Variants in NTNG1 observed in about 807,000 individuals in gnomAD.
NTNG1 encodes netrin G1, also known as netrin-G1.
A neutral mutation model predicts 54.0 loss-of-function variants in NTNG1; 16 were observed. The observed-to-expected ratio is 0.30, with a 90% CI of 0.20 to 0.45. The LOEUF (loss-of-function observed/expected upper bound fraction) is 0.45, where lower values mean the gene tolerates loss of function less well. Among genes scored for constraint, NTNG1 ranks in the 20% least tolerant of loss-of-function variants. The pLI is 1.00. For missense variants in NTNG1, 530 were observed against 678.7 expected, an observed-to-expected ratio of 0.78 and a Z score of 2.43; for synonymous variants, 255 against 263.1, an observed-to-expected ratio of 0.97 and a Z score of 0.30.
At chr1:107,402,026 C>T (rs1268608610) in intron 4 of NTNG1, among the ~76,000 whole-genome samples, 2 of 152,146 alleles carry the variant, frequency 1.3e-5, no homozygotes, top group African/African-American at 4.8e-5. Flanking sequence ...TGAGACCCAG[C>T]ACATAAGCAG....
chr1:107,284,295 A>T (rs1265800896), intron 2 of NTNG1, among the ~76,000 whole-genome samples: 3 of 152,144 alleles, frequency 2.0e-5, no homozygotes, highest in Non-Finnish European at 4.4e-5. Context: ...AAGGAGAACC[A>T]ACATCAGGAG....
chr1:107,445,498 A>G (rs1356759611), intron 7 of NTNG1, among the ~76,000 whole-genome samples: 2 of 152,152 alleles, frequency 1.3e-5, no homozygotes, highest in Non-Finnish European at 2.9e-5. Context: ...CTCATTCCAC[A>G]GGAGAAGATT....
intron 2 of NTNG1, among the ~76,000 whole-genome samples, chr1:107,175,293 G>A (rs1323267224): frequency 1.3e-5 from 2 of 152,120 alleles, no homozygotes; most frequent in African/African-American, 4.8e-5. Context: ...ATCAAACTTT[G>A]CATCAGAAAG....
chr1:107,241,449 A>G (rs1661821258), intron 2 of NTNG1, among the ~76,000 whole-genome samples: 1 of 152,250 alleles, frequency 6.6e-6, no homozygotes. Context: ...TGTTCTGTAT[A>G]ATGTCCAAAT....
intron 2 of NTNG1, among the ~76,000 whole-genome samples, chr1:107,246,337 G>A (rs1662199282): frequency 6.7e-6 from 1 of 150,110 alleles, no homozygotes; most frequent in South Asian, 2.1e-4. Context: ...ACAGGCTTGA[G>A]TTTATTTAAT....
Position 107,460,111 on chromosome 1 carries a change from T to A in NTNG1, c.1391-20500T>A, listed in dbSNP as rs12069357. On this transcript the variant is annotated intron_variant, in intron 7 of 7. Transcript: ENST00000370068. The stretch of plus-strand genomic sequence containing the variant: ...AAAACCTCTAGAAAACAGTTCTCAG[T>A]GCAACGAGCATGCAAGCTAAGGCCC... Among the ~76,000 whole-genome samples, 432 of 152,294 alleles carry A rather than the reference T, an allele frequency of 2.8e-3. 3 individuals are homozygous for A. The highest frequency in any genetic ancestry group is 0.01 in the African/African-American group (422 of 41,552).
intron 2 of NTNG1, among the ~76,000 whole-genome samples, chr1:107,200,488 G>T (rs1011272524): frequency 1.3e-4 from 2 of 15,314 alleles, no homozygotes; most frequent in Non-Finnish European, 2.6e-4. Flanking sequence ...CCATCAGGCT[G>T]CAGGGGAACA....
intron 2 of NTNG1, among the ~76,000 whole-genome samples, chr1:107,187,884 GA>G (rs1657583823): frequency 6.6e-6 from 1 of 152,108 alleles, no homozygotes; most frequent in Non-Finnish European, 1.5e-5. Flanking sequence ...GAGGAAAGGG[GA>G]AAAAGCCATT....
intron 3 of NTNG1, among the ~76,000 whole-genome samples, chr1:107,387,194 T>A (rs1672059914): frequency 6.6e-6 from 1 of 152,234 alleles, no homozygotes; most frequent in Non-Finnish European, 1.5e-5. Context: ...ATAGTTAAAT[T>A]GTTCAGTTAT....
chr1:107,145,653 T>G (rs1182475485), intron 1 of NTNG1, among the ~76,000 whole-genome samples: 1 of 152,096 alleles, frequency 6.6e-6, no homozygotes, highest in Non-Finnish European at 1.5e-5. Flanking sequence ...GTCTGTAATG[T>G]AATGGAAAAC....
At chr1:107,169,487 A>G (rs890970368) in intron 2 of NTNG1, among the ~76,000 whole-genome samples, 3 of 152,000 alleles carry the variant, frequency 2.0e-5, no homozygotes, top group African/African-American at 7.3e-5. Context: ...GCTCTCCTTC[A>G]TATGTTCATA....
intron 2 of NTNG1, among the ~76,000 whole-genome samples, chr1:107,182,637 T>C (rs1019927549): frequency 6.6e-6 from 1 of 152,128 alleles, no homozygotes; most frequent in Non-Finnish European, 1.5e-5. Flanking sequence ...ACAGACTCTG[T>C]AGGCTTTATT....
intron 6 of NTNG1, among the ~76,000 whole-genome samples, chr1:107,435,103 T>C (rs1675514711): frequency 6.6e-6 from 1 of 152,266 alleles, no homozygotes; most frequent in African/African-American, 2.4e-5. Flanking sequence ...TGAATTCACG[T>C]TGGCCAGATG....
chr1:107,406,778 G>C (rs534425625), intron 4 of NTNG1, among the ~76,000 whole-genome samples: 16 of 152,200 alleles, frequency 1.1e-4, no homozygotes, highest in African/African-American at 3.9e-4. Flanking sequence ...TATAACTCTT[G>C]CAGCAACCCT....
intron 5 of NTNG1, among the ~76,000 whole-genome samples, chr1:107,414,091 A>T (rs1674029260): frequency 6.6e-6 from 1 of 152,184 alleles, no homozygotes; most frequent in Non-Finnish European, 1.5e-5. Context: ...TCTTGATGTT[A>T]ATAAACTGTC....
chr1:107,171,584 G>C (rs777279412), intron 2 of NTNG1, among the ~76,000 whole-genome samples: 24 of 152,140 alleles, frequency 1.6e-4, no homozygotes, highest in Admixed American at 3.9e-4. Context: ...GCCAGCAGGA[G>C]ACTTAGAAGC....
At chr1:107,387,066 A>G (rs1043338104) in intron 3 of NTNG1, among the ~76,000 whole-genome samples, 1 of 152,218 alleles carries the variant, frequency 6.6e-6, no homozygotes, top group African/African-American at 2.4e-5. Flanking sequence ...ATATCTATTC[A>G]GATTCTTCAC....
chr1:107,460,971 A>T (rs1677247951), intron 7 of NTNG1, among the ~76,000 whole-genome samples: 1 of 152,186 alleles, frequency 6.6e-6, no homozygotes. Flanking sequence ...AATCCATCCC[A>T]GCCAGGACAG....
intron 2 of NTNG1, among the ~76,000 whole-genome samples, chr1:107,286,024 G>A (rs1665175989): frequency 1.3e-5 from 2 of 152,156 alleles, no homozygotes; most frequent in Admixed American, 6.5e-5. Context: ...TGAAGAGGCT[G>A]TAGGAGATCT....
Sources: allele counts gnomAD v4.1 joint callset (sites outside exome capture counted in the v4.1 genomes callset), GRCh38; gene constraint gnomAD v4.1.1; transcripts MANE v1.5; gene names NCBI Gene and HGNC (gene_info 2026-07-23, HGNC 2026-07-21).